TIAM2: variants seen among roughly 807,000 people sequenced by gnomAD.
The protein encoded by TIAM2 is TIAM Rac1 associated GEF 2.
A neutral mutation model predicts 152.9 loss-of-function variants in TIAM2; 80 were observed. The observed-to-expected ratio is 0.52, with a 90% confidence interval of 0.44 to 0.63. The LOEUF (loss-of-function observed/expected upper bound fraction) is 0.63, where lower values mean the gene tolerates loss of function less well. TIAM2 is among the 30% of genes least tolerant of loss of function. The pLI, the probability that TIAM2 is intolerant of heterozygous loss-of-function variation, is 0.00. For missense variants in TIAM2, 1,965 were observed against 2,120.1 expected, an observed-to-expected ratio of 0.93 and a Z score of 1.44; for synonymous variants, 804 against 838.0, an observed-to-expected ratio of 0.96 and a Z score of 0.70.
At chr6:155,235,578 C>T (rs1297943408) in intron 15 of TIAM2, among the ~76,000 whole-genome samples, 2 of 152,268 alleles carry the variant, frequency 1.3e-5, no homozygotes, top group African/African-American at 4.8e-5. Context: ...CCTTCAGCTA[C>T]AATCTGAAAA....
At chr6:155,084,155 T>A (rs991403759) in intron 1 of TIAM2, among the ~76,000 whole-genome samples, 1 of 152,046 alleles carries the variant, frequency 6.6e-6, no homozygotes, top group Non-Finnish European at 1.5e-5. Context: ...GTGGTGTGAG[T>A]GTTACTATTC....
At chr6:155,227,371 T>C (rs1383157408) in intron 15 of TIAM2, among the ~76,000 whole-genome samples, 1 of 152,192 alleles carries the variant, frequency 6.6e-6, no homozygotes, top group Non-Finnish European at 1.5e-5. Flanking sequence ...TTAAACCCGT[T>C]TTCCCCACAA....
chr6:155,128,546 C>T (rs895860306), intron 3 of TIAM2, among the ~76,000 whole-genome samples: 4 of 152,078 alleles, frequency 2.6e-5, no homozygotes, highest in African/African-American at 2.4e-5. Flanking sequence ...AAGATACTTT[C>T]CCTAATTTTT....
At position 155,211,293 on chromosome 6, in the gene TIAM2, G is replaced by T; in HGVS notation, c.3154G>T (p.Glu1052Ter). The T allele has an allele frequency of 1.9e-6, 3 of 1,613,260 alleles. No homozygotes were observed. The highest frequency in any genetic ancestry group is 1.1e-5 in the South Asian group (1 of 91,030). The change falls in exon 15 of 27, where the codon GAG becomes TAG. Residue 1052 changes from glutamate to a stop codon, truncating the protein, a stop_gained. Coordinates refer to ENST00000682666, the MANE Select transcript of TIAM2 (RefSeq NM_012454.4). LOFTEE classifies it high-confidence loss of function. ...TCAGGTTTCCCACAGGGAGAAAATGGAGCAGACATTCAGGGTAAGATACTG... is the reference window on the plus strand; with the variant it reads ...TCAGGTTTCCCACAGGGAGAAAATGTAGCAGACATTCAGGGTAAGATACTG... Reference protein sequence around the residue: ...LDQVSHREKMEQTFRSAEQIT... With the variant: ...LDQVSHREKM
rs768319920 is a variant in TIAM2, at chr6:155,174,544, T to A, written c.2362-2272T>A. Among the ~76,000 whole-genome samples, 3 of 152,188 alleles carry A rather than the reference T, an allele frequency of 2.0e-5. No individual in the cohort carries two copies. The highest frequency in any genetic ancestry group is 4.4e-5 in the Non-Finnish European group (3 of 68,018). On this transcript the variant is annotated intron_variant, in intron 9 of 26. Coordinates refer to ENST00000682666, the MANE Select transcript of TIAM2 (RefSeq NM_012454.4). The surrounding 1 kb of genome is among the most constrained non-coding windows in gnomAD (Gnocchi z 4.2). ...TGCCACCATGCCCGGATAATTTTTATTTTTAGTAGAGATAGGGTTTTACCA... is the reference window on the plus strand; with the variant it reads ...TGCCACCATGCCCGGATAATTTTTAATTTTAGTAGAGATAGGGTTTTACCA...
At chr6:155,089,652 A>G (rs544960966) in intron 1 of TIAM2, among the ~76,000 whole-genome samples, 4 of 152,212 alleles carry the variant, frequency 2.6e-5, no homozygotes, top group African/African-American at 4.8e-5. Context: ...TTCAAATACC[A>G]TTCAGATTTC....
At chr6:155,094,507 T>TAAC (rs1778369672) in intron 2 of TIAM2, among the ~76,000 whole-genome samples, 2 of 151,912 alleles carry the variant, frequency 1.3e-5, no homozygotes, top group Non-Finnish European at 2.9e-5. Flanking sequence ...TTTCTGTGTC[T>TAAC]TTAGACTGCA....
intron 1 of TIAM2, among the ~76,000 whole-genome samples, chr6:155,044,828 GA>G (rs11450049): frequency 1.8e-4 from 26 of 145,266 alleles, no homozygotes; most frequent in African/African-American, 2.3e-4. Flanking sequence ...ACTCTGTCTC[GA>G]AAAAAAAAAA....
In TIAM2 at chr6:155,240,515, C is replaced by T. The variant is rs187501098; in HGVS notation, c.3169-15C>T. 4.4e-3 allele frequency: 6,966 copies of T among 1,594,086 alleles called. 20 individuals are homozygous for T. The highest frequency in any genetic ancestry group is 5.1e-3 in the Non-Finnish European group (5,901 of 1,165,510). On this transcript the variant is annotated splice_polypyrimidine_tract_variant and intron_variant, in intron 15 of 26. Transcript: ENST00000682666. ...GAGGCCCGTGCATTATTTTCCACCT[C>T]TTGTCCTCTCTCAGAGTGCTGAGCA...
intron 1 of TIAM2, among the ~76,000 whole-genome samples, chr6:155,050,786 C>T (rs187112296): frequency 6.6e-6 from 1 of 152,294 alleles, no homozygotes; most frequent in East Asian, 1.9e-4. Context: ...TCTAAATGTA[C>T]AACTTTGTTC....
chr6:155,164,962 A>G (rs1437995208), intron 8 of TIAM2, among the ~76,000 whole-genome samples: 1 of 152,170 alleles, frequency 6.6e-6, no homozygotes, highest in Non-Finnish European at 1.5e-5. Context: ...AGAGCGCCCC[A>G]TCAGGTTTTT....
At chr6:155,198,962 G>A (rs925595995) in intron 14 of TIAM2, among the ~76,000 whole-genome samples, 9 of 152,132 alleles carry the variant, frequency 5.9e-5, no homozygotes, top group Non-Finnish European at 1.0e-4. Flanking sequence ...CTAGCTGCTG[G>A]CTCACGTCTG....
chr6:155,115,491 A>G (rs918805645), intron 2 of TIAM2, among the ~76,000 whole-genome samples: 2 of 151,946 alleles, frequency 1.3e-5, no homozygotes, highest in Non-Finnish European at 2.9e-5. Context: ...TTTACAAACA[A>G]TAAAATAAAA....
intron 15 of TIAM2, among the ~76,000 whole-genome samples, chr6:155,222,748 G>A (rs1009039883): frequency 6.6e-6 from 1 of 152,084 alleles, no homozygotes; most frequent in African/African-American, 2.4e-5. Flanking sequence ...CTGACCAGCT[G>A]TCCTGCCCTG....
At chr6:155,255,870 C>T (rs113082030) in intron 26 of TIAM2, 1,865 of 153,630 alleles carry the variant, frequency 0.012, 33 homozygotes, top group Non-Finnish European at 0.015. Context: ...ATTAGCCAGG[C>T]GTGATCATGC....
At chr6:155,166,326 T>G (rs1177550382) in intron 9 of TIAM2, among the ~76,000 whole-genome samples, 1 of 148,112 alleles carries the variant, frequency 6.8e-6, no homozygotes, top group South Asian at 2.1e-4. Context: ...CTTCTCTTTT[T>G]TTTTTTTCTT....
chr6:155,039,118 A>G (rs1302788362), intron 1 of TIAM2, among the ~76,000 whole-genome samples: 1 of 151,274 alleles, frequency 6.6e-6, no homozygotes, highest in East Asian at 2.0e-4. Context: ...GTGCCACCGC[A>G]CCTGGCTAAC....
At chr6:155,152,814 G>A (rs973398433) in intron 7 of TIAM2, among the ~76,000 whole-genome samples, 1 of 152,124 alleles carries the variant, frequency 6.6e-6, no homozygotes, top group African/African-American at 2.4e-5. Context: ...TGTGTGTGTG[G>A]TGGTGGTGGG....
intron 2 of TIAM2, among the ~76,000 whole-genome samples, chr6:155,095,183 A>G (rs1778393521): frequency 6.6e-6 from 1 of 152,168 alleles, no homozygotes; most frequent in African/African-American, 2.4e-5. Context: ...CATGGCCCCA[A>G]ACAGATGGAG....
Sources: allele counts gnomAD v4.1 joint callset (sites outside exome capture counted in the v4.1 genomes callset), GRCh38; gene constraint gnomAD v4.1.1; non-coding constraint Gnocchi (gnomAD v3.1); transcripts MANE v1.5; gene names NCBI Gene and HGNC (gene_info 2026-07-23, HGNC 2026-07-21).